Variants in ESPL1 observed in about 807,000 individuals in gnomAD.
ESPL1 encodes extra spindle pole bodies like 1, separase.
In ESPL1, 50 loss-of-function variants were observed where a neutral mutation model predicts 217.2. The ratio of observed to expected loss-of-function variants is 0.23; its 90% CI spans 0.18 to 0.29. The LOEUF is 0.29. Ranked by LOEUF, ESPL1 falls within the 10% of genes least tolerant of loss-of-function variation. The pLI is 1.00. For missense variants in ESPL1, 1,834 were observed against 2,603.0 expected (o/e 0.70, Z 6.43); for synonymous variants, 994 against 1,081.3 (o/e 0.92, Z 1.58).
rs1592494095 is a variant in ESPL1, at chr12:53,287,878, G to A, written c.4177-94G>A. The A allele has an allele frequency of 9.7e-6, 12 of 1,241,228 alleles. No individual in the cohort carries two copies. The East Asian group carries it at 2.6e-4, about 27-fold the overall frequency. The allele number at this position is 1,241,228 out of a possible 1,614,324, so 76.9% of individuals were successfully genotyped here. ...AAATCTTCCAGGGTCCTGTGTGATG[G>A]TGCCTGATGGTGCCTCCACTACGCC... On this transcript the variant is annotated intron_variant, in intron 18 of 30. Transcript: ENST00000257934.
intron 3 of ESPL1, 24 bp from the exon 4 acceptor site, chr12:53,270,354 C>T: frequency 1.3e-6 from 2 of 1,533,764 alleles, no homozygotes; most frequent in African/African-American, 1.4e-5. Flanking sequence ...ACTCCTCATA[C>T]CAACCTTCCG....
chr12:53,286,471 G>A lies in ESPL1; in HGVS notation c.3735G>A (p.Lys1245=), dbSNP rs762009028. The part of the protein sequence containing the change: ...LNQPSNESLQ[K]VLQSGLKFVA... ...AGCCATCAAACGAGAGCCTGCAGAA[G>A]GTTCTACAGTCAGGGCTGAAGTTTG... Residue 1245 remains lysine (K), a synonymous_variant, in exon 18 of 31, where the codon AAG becomes AAA. Coordinates refer to ENST00000257934, the MANE Select transcript of ESPL1 (RefSeq NM_012291.5). The surrounding 1 kb of genome is among the most constrained non-coding windows in gnomAD (Gnocchi z 5.3). The A allele has an allele frequency of 3.1e-6, 5 of 1,614,220 alleles. No homozygotes were observed. In the South Asian group the frequency reaches 3.3e-5, roughly 11 times the overall value.
Position 53,282,119 on chromosome 12 carries a change from G to A in ESPL1, c.2620-145G>A, listed in dbSNP as rs935029265. On this transcript the variant is annotated intron_variant, in intron 13 of 30. Coordinates refer to ENST00000257934, the MANE Select transcript of ESPL1 (RefSeq NM_012291.5). The surrounding 1 kb of genome is among the most constrained non-coding windows in gnomAD (Gnocchi z 4.0). ...TTCTGCCTAGGTCCAGGGAGATCTCGAAAGCCAGGCAAATATTCAGAAAAT... is the reference window on the plus strand; with the variant it reads ...TTCTGCCTAGGTCCAGGGAGATCTCAAAAGCCAGGCAAATATTCAGAAAAT... 23 of 679,216 alleles carry A rather than the reference G, an allele frequency of 3.4e-5. 1 individual carries two copies. The highest frequency in any genetic ancestry group is 1.8e-4 in the South Asian group (10 of 54,748). The allele number at this position is 679,216 out of a possible 1,614,324, so 42.1% of individuals were successfully genotyped here. A position where few individuals can be genotyped will look rare whatever the true frequency, so the allele number is the denominator to read the frequency against.
At position 53,277,079 on chromosome 12, in the gene ESPL1, G is replaced by A. The variant is rs1943779370; in HGVS notation, c.1941-4G>A. The A allele has an allele frequency of 1.2e-6, 2 of 1,612,156 alleles. No homozygotes were observed. Among genetic ancestry groups the A allele is most frequent in the East Asian group, 2.2e-5 (1 of 44,800 alleles). ...CCCAGCTTAAGCACATCTTCTCCCT[G>A]CAGCTCTGCTCTGGATGCTATCCGG... On this transcript the variant is annotated splice_region_variant and splice_polypyrimidine_tract_variant and intron_variant, in intron 8 of 30. Transcript: ENST00000257934.
chr12:53,277,039 G>A (rs367825006), intron 8 of ESPL1, 44 bp from the exon 9 acceptor site: 265 of 1,599,610 alleles, frequency 1.7e-4, no homozygotes, highest in Non-Finnish European at 2.2e-4. Context: ...CGCTATGGCA[G>A]ATACTCATAG....
rs2120999391 is a variant in ESPL1, at chr12:53,291,065, G to A, written c.5520+69G>A. Reference sequence around the variant, plus strand: ...CACCTGTAATCCCAGCACTTTGGGAGGCCAAGGCAGATGGATTGCTTGAGC... The same window carrying A: ...CACCTGTAATCCCAGCACTTTGGGAAGCCAAGGCAGATGGATTGCTTGAGC... On this transcript the variant is annotated intron_variant, in intron 25 of 30. Coordinates refer to ENST00000257934, the MANE Select transcript of ESPL1 (RefSeq NM_012291.5). The A allele has an allele frequency of 3.6e-6, 5 of 1,377,268 alleles. No individual in the cohort carries two copies. In the South Asian group the frequency reaches 7.0e-5, roughly 19 times the overall value. 85.3% of individuals were successfully genotyped at this position (1,377,268 alleles called of 1,614,324 possible).
intron 12 of ESPL1, among the ~76,000 whole-genome samples, chr12:53,280,621 G>T (rs1288591511): frequency 1.3e-5 from 2 of 152,016 alleles, no homozygotes; most frequent in Non-Finnish European, 2.9e-5. Context: ...TCCCACCTCA[G>T]CCTCCCAAAG....
Position 53,293,033 on chromosome 12 carries a change from T to C in ESPL1, c.6161+63T>C. On this transcript the variant is annotated intron_variant, in intron 30 of 30. Transcript: ENST00000257934. The surrounding 1 kb of genome is among the most constrained non-coding windows in gnomAD (Gnocchi z 4.2). ...GGACTCCTGCCCTCACCCCAGGTTCTTTCCCAGGTCTGAATCTTGCCTCTC... is the reference window on the plus strand; with the variant it reads ...GGACTCCTGCCCTCACCCCAGGTTCCTTCCCAGGTCTGAATCTTGCCTCTC... The C allele has an allele frequency of 6.7e-7, 1 of 1,503,080 alleles. No individual in the cohort carries two copies. Among genetic ancestry groups the C allele is most frequent in the Admixed American group, 1.8e-5 (1 of 54,504 alleles). The allele number at this position is 1,503,080 out of a possible 1,614,324, so 93.1% of individuals were successfully genotyped here.
intron 7 of ESPL1, among the ~76,000 whole-genome samples, chr12:53,276,052 T>C (rs1943760837): frequency 6.6e-6 from 1 of 152,078 alleles, no homozygotes; most frequent in Non-Finnish European, 1.5e-5. Context: ...ACTTAAAAAA[T>C]ATTAGCCGAA....
rs752708795 is a variant in ESPL1, at chr12:53,292,353, C to T, written c.5872C>T (p.Leu1958=). Residue 1958 remains leucine (L), a synonymous_variant, in exon 28 of 31, where the codon CTG becomes TTG. Coordinates refer to ENST00000257934, the MANE Select transcript of ESPL1 (RefSeq NM_012291.5). This position sits in a 1 kb window ranked among gnomAD's most constrained non-coding sequence, Gnocchi z 4.5. ...CTATGTCCTGAACCCTCACAATAAC[C>T]TGTCAAGCACAGAGGAGCAATTTCG... ...TFYVLNPHNN[L]SSTEEQFRAN... The T allele has an allele frequency of 1.9e-6, 3 of 1,614,044 alleles. No individual in the cohort carries two copies. Among genetic ancestry groups the T allele is most frequent in the African/African-American group, 2.7e-5 (2 of 75,012 alleles).
intron 1 of ESPL1, 105 bp downstream of exon 1, chr12:53,268,482 G>C: frequency 2.4e-6 from 1 of 411,166 alleles, no homozygotes. Flanking sequence ...GGAGTGTCGG[G>C]AGGCCTTGGG....
Position 53,282,034 on chromosome 12 carries a change from G to A in ESPL1, c.2620-230G>A, listed in dbSNP as rs548130598. Among the ~76,000 whole-genome samples, 7 of 152,052 alleles carry A rather than the reference G, an allele frequency of 4.6e-5. No individual in the cohort carries two copies. The highest frequency in any genetic ancestry group is 1.4e-4 in the African/African-American group (6 of 41,396). On this transcript the variant is annotated intron_variant, in intron 13 of 30. Coordinates refer to ENST00000257934, the MANE Select transcript of ESPL1 (RefSeq NM_012291.5). This position sits in a 1 kb window ranked among gnomAD's most constrained non-coding sequence, Gnocchi z 4.0. Reference sequence around the variant, plus strand: ...ACGTTTTTATCATTCCTAAATTGGCGGACAAGTCACTGGTGAGGGCAAAGC... The same window carrying A: ...ACGTTTTTATCATTCCTAAATTGGCAGACAAGTCACTGGTGAGGGCAAAGC...
At position 53,290,150 on chromosome 12, in the gene ESPL1, C is replaced by T; in HGVS notation, c.5179C>T (p.Leu1727=). 1 of 1,614,072 alleles carries T rather than the reference C, an allele frequency of 6.2e-7. No individual in the cohort carries two copies. Among genetic ancestry groups the T allele is most frequent in the Non-Finnish European group, 8.5e-7 (1 of 1,180,010 alleles). ...CGGAACCGTGGGCAACACCCTCCTG[C>T]TGACCCGGCTGGAAAAGGACAGTCC... ...QPGTVGNTLL[L]TRLEKDSPPV... is the part of the protein sequence containing the mutation. The change falls in exon 23 of 31, where the codon CTG becomes TTG. Residue 1727 remains leucine (L), a synonymous_variant. Transcript: ENST00000257934.
rs916006941 is a variant in ESPL1, at chr12:53,282,914, A to C, written c.2792-215A>C. 1.3e-5 allele frequency among the ~76,000 whole-genome samples: 2 copies of C among 152,230 alleles called. No individual in the cohort carries two copies. Among genetic ancestry groups the C allele is most frequent in the Non-Finnish European group, 2.9e-5 (2 of 68,040 alleles). On this transcript the variant is annotated intron_variant, in intron 14 of 30. Coordinates refer to ENST00000257934, the MANE Select transcript of ESPL1 (RefSeq NM_012291.5). The surrounding 1 kb of genome is among the most constrained non-coding windows in gnomAD (Gnocchi z 4.0). ...GGTGATCCGTCTGCCTCAGCCTCCCAAAATGCTGGGATTACAGGCTTGGGC... is the reference window on the plus strand; with the variant it reads ...GGTGATCCGTCTGCCTCAGCCTCCCCAAATGCTGGGATTACAGGCTTGGGC...
Position 53,288,694 on chromosome 12 carries a change from C to G in ESPL1, c.4703C>G (p.Ala1568Gly). 6.2e-7 allele frequency: 1 copy of G among 1,610,590 alleles called. No individual in the cohort carries two copies. Among genetic ancestry groups the G allele is most frequent in the Non-Finnish European group, 8.5e-7 (1 of 1,178,896 alleles). Residue 1568 changes from alanine to glycine, a missense_variant, in exon 20 of 31, where the codon GCC (alanine) becomes GGC (glycine). Ala to Gly is a moderately conservative substitution (Grantham distance 60). This residue lies in a region of ESPL1 where 681 missense variants were observed against 808.0 expected (regional missense o/e 0.84). Transcript: ENST00000257934. ...PRLRLPSAPVATGLSTLDSIC... is the reference protein window; with the variant it reads ...PRLRLPSAPVGTGLSTLDSIC... The stretch of plus-strand genomic sequence containing the variant: ...CTCCGGCTCCCCTCAGCCCCCGTAG[C>G]CACTGGTGAATATGCGACCCCTGAT...
chr12:53,283,419 G>C lies in ESPL1; in HGVS notation c.2958G>C (p.Glu986Asp), dbSNP rs148254772. 70 of 1,614,204 alleles carry C rather than the reference G, an allele frequency of 4.3e-5. No individual in the cohort carries two copies. The East Asian group carries it at 1.1e-3, about 25-fold the overall frequency. ...TACAAAAATGGCAGGTTCTTTCAGA[G>C]GTGCTGAGCTGCTCAGAGAAGCTGG... Reference protein sequence around the residue: ...NLVQKWQVLSEVLSCSEKLVC... With the variant: ...NLVQKWQVLSDVLSCSEKLVC... Residue 986 changes from glutamate (E) to aspartate (D), a missense_variant, in exon 16 of 31, where the codon GAG becomes GAC. Glu to Asp is a conservative substitution (Grantham distance 45). Coordinates refer to ENST00000257934, the MANE Select transcript of ESPL1 (RefSeq NM_012291.5).
chr12:53,290,397 G>A lies in ESPL1; in HGVS notation c.5292G>A (p.Gln1764=). ...AGTTTGATGCCATCCAGAAGGCACAGAAAGAGAACAGCAGCTGTACTGACA... is the reference window on the plus strand; with the variant it reads ...AGTTTGATGCCATCCAGAAGGCACAAAAAGAGAACAGCAGCTGTACTGACA... ...LNEFDAIQKA[Q]KENSSCTDKR... is the part of the protein sequence containing the mutation. The change falls in exon 24 of 31, where the codon CAG becomes CAA. Residue 1764 remains glutamine (Q), a synonymous_variant. Coordinates refer to ENST00000257934, the MANE Select transcript of ESPL1 (RefSeq NM_012291.5). 1 of 1,613,458 alleles carries A rather than the reference G, an allele frequency of 6.2e-7. No homozygotes were observed. Among genetic ancestry groups the A allele is most frequent in the Non-Finnish European group, 8.5e-7 (1 of 1,179,996 alleles).
Position 53,269,406 on chromosome 12 carries a change from C to T in ESPL1, c.464C>T (p.Ala155Val). Residue 155 changes from alanine to valine, a missense_variant, in exon 3 of 31, where the codon GCA becomes GTA. By Grantham distance (64) the Ala-to-Val change is moderately conservative (BLOSUM62 0). Around this residue, in one of 5 missense-constraint regions of ESPL1, gnomAD observed 746 missense variants for 1,077.0 expected, o/e 0.69. Coordinates refer to ENST00000257934, the MANE Select transcript of ESPL1 (RefSeq NM_012291.5). This position sits in a 1 kb window ranked among gnomAD's most constrained non-coding sequence, Gnocchi z 6.7. The part of the protein sequence containing the change: ...RGSFSLLWKG[A>V]EALLERRAAF... ...AGCTTTTCTCTGCTTTGGAAGGGGGCAGAAGCCCTGTTGGAACGGCGAGCT... is the reference window on the plus strand; with the variant it reads ...AGCTTTTCTCTGCTTTGGAAGGGGGTAGAAGCCCTGTTGGAACGGCGAGCT... The T allele has an allele frequency of 6.2e-7, 1 of 1,613,968 alleles. No individual in the cohort carries two copies. Among genetic ancestry groups the T allele is most frequent in the Non-Finnish European group, 8.5e-7 (1 of 1,180,006 alleles).
intron 1 of ESPL1, among the ~76,000 whole-genome samples, 179 bp from the exon 2 acceptor site, chr12:53,268,576 C>T (rs568172650): frequency 2.0e-5 from 3 of 152,274 alleles, no homozygotes; most frequent in South Asian, 2.1e-4. Context: ...GGGATCTGCC[C>T]GGAGGAAGGA....
Sources: allele counts gnomAD v4.1 joint callset (sites outside exome capture counted in the v4.1 genomes callset), GRCh38; gene constraint gnomAD v4.1.1; regional missense constraint gnomAD v4.1.1; non-coding constraint Gnocchi (gnomAD v3.1); transcripts MANE v1.5; gene names NCBI Gene and HGNC (gene_info 2026-07-23, HGNC 2026-07-21).